SPATA6L: variants seen among roughly 807,000 people sequenced by gnomAD.
SPATA6L encodes spermatogenesis associated 6-like protein.
In SPATA6L, 68 loss-of-function variants were observed where a neutral mutation model predicts 49.2. That is an observed-to-expected ratio of 1.38 (90% CI 1.14 to 1.69). SPATA6L has a LOEUF of 1.69. Ranked by LOEUF, SPATA6L falls within the 40% of genes most tolerant of loss-of-function variation. The probability of loss-of-function intolerance (pLI) is 0.00; values close to 1 mark genes in which losing one functional copy is unlikely to be tolerated. For missense variants in SPATA6L, 668 were observed against 464.3 expected, an observed-to-expected ratio of 1.44 and a Z score of -4.03; for synonymous variants, 198 against 165.7, an observed-to-expected ratio of 1.19 and a Z score of -1.50.
intron 2 of SPATA6L, 27 bp from the exon 3 acceptor site, chr9:4,656,116 T>G (rs767363302): frequency 6.3e-7 from 1 of 1,598,736 alleles, no homozygotes. Flanking sequence ...GGAAAATAAA[T>G]TTTCAAAGTT....
At chr9:4,607,853 T>C (rs1473374120) in intron 9 of SPATA6L, among the ~76,000 whole-genome samples, 3,917 of 150,702 alleles carry the variant, frequency 0.026, 126 homozygotes, top group African/African-American at 0.09. Flanking sequence ...GACTGGCAAA[T>C]TGGATAAAGA....
intron 3 of SPATA6L, among the ~76,000 whole-genome samples, chr9:4,644,182 G>GAAA (rs1834717883): frequency 1.2e-4 from 6 of 49,394 alleles, no homozygotes; most frequent in African/African-American, 2.8e-4. Context: ...TGCCATCTCT[G>GAAA]CAAAAAAAAA....
intron 3 of SPATA6L, among the ~76,000 whole-genome samples, chr9:4,649,999 C>T (rs1053758371): frequency 6.6e-6 from 1 of 152,164 alleles, no homozygotes; most frequent in Non-Finnish European, 1.5e-5. Context: ...AATATAAATG[C>T]AGGAAATCAA....
In SPATA6L at chr9:4,622,503, C is replaced by T. The variant is rs768945372; in HGVS notation, c.677G>A (p.Ser226Asn). The T allele has an allele frequency of 6.2e-7, 1 of 1,608,354 alleles. No individual in the cohort carries two copies. Among genetic ancestry groups the T allele is most frequent in the Non-Finnish European group, 8.5e-7 (1 of 1,176,156 alleles). ...AATATTCTCACCAAAGGGCTTTGCACTGTCCACCTGAAAGTAAAGGAAAGA... is the reference window on the plus strand; with the variant it reads ...AATATTCTCACCAAAGGGCTTTGCATTGTCCACCTGAAAGTAAAGGAAAGA... The part of the protein sequence containing the change: ...KPPFVVRHVD[S>N]AKPFGENISE... The change falls in exon 7 of 12, where the codon AGT (serine) becomes AAT (asparagine). Residue 226 changes from serine (S) to asparagine (N), a missense_variant. Physicochemically the swap from Ser to Asn is conservative, Grantham distance 46. Coordinates refer to ENST00000682582, the MANE Select transcript of SPATA6L (RefSeq NM_001353486.2).
chr9:4,606,390 A>G (rs4602946), intron 9 of SPATA6L, among the ~76,000 whole-genome samples: 8,424 of 112,786 alleles, frequency 0.075, 355 homozygotes, highest in Middle Eastern at 0.12. Flanking sequence ...GCAGACTTAA[A>G]TGTCCCTGTC....
chr9:4,639,257 C>T (rs1211117561), intron 3 of SPATA6L, among the ~76,000 whole-genome samples: 1 of 152,148 alleles, frequency 6.6e-6, no homozygotes, highest in Non-Finnish European at 1.5e-5. Context: ...CACCTAGATG[C>T]ATGATATGAT....
intron 3 of SPATA6L, among the ~76,000 whole-genome samples, chr9:4,637,712 T>G (rs1315486612): frequency 6.8e-6 from 1 of 147,910 alleles, no homozygotes; most frequent in Non-Finnish European, 1.5e-5. Flanking sequence ...GCATCCTGGA[T>G]GCTGCCCCCA....
chr9:4,666,329 C>T lies in SPATA6L; in HGVS notation c.-79G>A. The T allele has an allele frequency of 6.8e-7, 1 of 1,464,680 alleles. No homozygotes were observed. The allele number at this position is 1,464,680 out of a possible 1,614,324, so 90.7% of individuals were successfully genotyped here. A position where few individuals can be genotyped will look rare whatever the true frequency, so the allele number is the denominator to read the frequency against. On this transcript the variant is annotated 5_prime_UTR_variant, in exon 1 of 12. Coordinates refer to ENST00000682582, the MANE Select transcript of SPATA6L (RefSeq NM_001353486.2). ...CTTGGACCAATTTTTCTTAGTTTAG[C>T]TGAATACCTAGAGCAAATGTTCCCA...
chr9:4,642,280 T>C (rs1834195906), intron 3 of SPATA6L, among the ~76,000 whole-genome samples: 1 of 152,214 alleles, frequency 6.6e-6, no homozygotes, highest in African/African-American at 2.4e-5. Context: ...CAGTGATATA[T>C]GTTTGAACAT....
intron 6 of SPATA6L, among the ~76,000 whole-genome samples, chr9:4,624,292 G>A (rs1439097391): frequency 6.6e-6 from 1 of 151,974 alleles, no homozygotes; most frequent in Non-Finnish European, 1.5e-5. Flanking sequence ...ACAACTTTGT[G>A]GAAAAAATAA....
chr9:4,631,242 G>A (rs1031324830), intron 4 of SPATA6L, among the ~76,000 whole-genome samples: 1 of 152,120 alleles, frequency 6.6e-6, no homozygotes, highest in Non-Finnish European at 1.5e-5. Context: ...CCAATGGAAC[G>A]ATGGTGATAA....
intron 13 of SPATA6L, among the ~76,000 whole-genome samples, chr9:4,591,433 AG>A (rs2129938918): frequency 6.6e-6 from 1 of 152,304 alleles, no homozygotes; most frequent in East Asian, 1.9e-4. Context: ...CCGGGTCTTT[AG>A]GAAACTAGGC....
intron 3 of SPATA6L, among the ~76,000 whole-genome samples, chr9:4,642,798 A>T (rs1834322140): frequency 6.6e-6 from 1 of 152,172 alleles, no homozygotes; most frequent in South Asian, 2.1e-4. Flanking sequence ...AAACATTGTT[A>T]AAAATAAGAA....
chr9:4,624,094 C>G (rs527319763), intron 6 of SPATA6L, among the ~76,000 whole-genome samples: 1 of 152,300 alleles, frequency 6.6e-6, no homozygotes, highest in South Asian at 2.1e-4. Context: ...ACACAAGCAT[C>G]ACCACTGATG....
chr9:4,622,404 G>A lies in SPATA6L; in HGVS notation c.772+4C>T, dbSNP rs760475921. The stretch of plus-strand genomic sequence containing the variant: ...TGTACAGGAGTAACAAGAAACTCGA[G>A]TACCTCTTCTCGTTGGAAACGGAAA... On this transcript the variant is annotated splice_donor_region_variant and intron_variant, in intron 7 of 11. Coordinates refer to ENST00000682582, the MANE Select transcript of SPATA6L (RefSeq NM_001353486.2). 15 of 1,584,772 alleles carry A rather than the reference G, an allele frequency of 9.5e-6. No individual in the cohort carries two copies. Among genetic ancestry groups the A allele is most frequent in the Non-Finnish European group, 1.0e-5 (12 of 1,153,708 alleles).
At chr9:4,626,222 A>C (rs1044325090) in intron 5 of SPATA6L, 3 of 306,158 alleles carry the variant, frequency 9.8e-6, no homozygotes, top group African/African-American at 6.6e-5. Context: ...AACAGCTGCA[A>C]ATGGCTCCAG....
chr9:4,661,283 G>C (rs1839662663), intron 2 of SPATA6L, among the ~76,000 whole-genome samples: 1 of 152,144 alleles, frequency 6.6e-6, no homozygotes. Flanking sequence ...AAAATGTTAA[G>C]AGATTGTCAG....
chr9:4,661,977 G>A lies in SPATA6L; in HGVS notation c.99C>T (p.Leu33=), dbSNP rs186090330. The A allele has an allele frequency of 7.6e-5, 122 of 1,614,098 alleles. No homozygotes were observed. The African/African-American group carries it at 1.2e-3, about 16-fold the overall frequency. ...TGTTGGTCTCCAGGTACTGATTCATGAGGTAGACCCCGAGGTACACATCTT... is the reference window on the plus strand; with the variant it reads ...TGTTGGTCTCCAGGTACTGATTCATAAGGTAGACCCCGAGGTACACATCTT... ...GKQDVYLGVY[L]MNQYLETNSF... Residue 33 remains leucine, a synonymous_variant, in exon 2 of 12, where the codon CTC becomes CTT. Transcript: ENST00000682582.
chr9:4,637,850 G>A (rs1465528194), intron 3 of SPATA6L, among the ~76,000 whole-genome samples: 2 of 152,166 alleles, frequency 1.3e-5, no homozygotes, highest in East Asian at 3.8e-4. Flanking sequence ...ATAAGCATTA[G>A]CTACCCTCTT....
Sources: allele counts gnomAD v4.1 joint callset (sites outside exome capture counted in the v4.1 genomes callset), GRCh38; gene constraint gnomAD v4.1.1; transcripts MANE v1.5; gene names NCBI Gene and HGNC (gene_info 2026-07-23, HGNC 2026-07-21).